The following XKR9 variants were observed in gnomAD, a reference collection of about 807,000 sequenced individuals.
XKR9 encodes XK-related protein 9.
XKR9 carries 32 observed loss-of-function variants against 32.0 expected under a neutral mutation model. The observed-to-expected ratio is 1.00, with a 90% CI of 0.76 to 1.34. XKR9 has a LOEUF of 1.34. Ranked by LOEUF, XKR9 falls within the 40% of genes most tolerant of loss-of-function variation. The probability of loss-of-function intolerance (pLI) is 0.00; values close to 1 mark genes in which losing one functional copy is unlikely to be tolerated. For synonymous variants in XKR9, 168 were observed against 143.4 expected (o/e 1.17, Z -1.22); for missense variants, 546 against 429.7 (o/e 1.27, Z -2.39).
the XKR9 span, among the ~76,000 whole-genome samples, chr8:70,798,197 C>T: frequency 2.0e-5 from 3 of 150,704 alleles, no homozygotes; most frequent in Non-Finnish European, 4.4e-5. Flanking sequence ...CTTTTTTTTT[C>T]TGCAACCTTG....
the XKR9 span, among the ~76,000 whole-genome samples, chr8:70,802,101 TA>T: frequency 1.3e-5 from 2 of 151,350 alleles, no homozygotes; most frequent in Admixed American, 1.3e-4. Context: ...CACGCCCGGC[TA>T]TTTTTTTGTA....
the XKR9 span, among the ~76,000 whole-genome samples, chr8:71,037,039 G>A: frequency 6.6e-6 from 1 of 151,982 alleles, no homozygotes. Context: ...TACACTAGTT[G>A]TGTTACTGAT....
At chr8:70,754,118 A>T (rs1352584351) in intron 2 of XKR9, among the ~76,000 whole-genome samples, 8 of 142,900 alleles carry the variant, frequency 5.6e-5, no homozygotes, top group Non-Finnish European at 1.5e-5. Context: ...TTATACACCA[A>T]TAACAGACAA....
the XKR9 span, among the ~76,000 whole-genome samples, chr8:71,009,695 C>T: frequency 6.6e-6 from 1 of 152,152 alleles, no homozygotes; most frequent in African/African-American, 2.4e-5. Flanking sequence ...TCCTTTCACT[C>T]TCATGGTGAC....
intron 4 of XKR9, among the ~76,000 whole-genome samples, chr8:70,719,264 C>T (rs373906475): frequency 3.5e-4 from 53 of 152,220 alleles, no homozygotes; most frequent in African/African-American, 1.1e-3. Context: ...TGCCTGTTCA[C>T]GCTGATGATA....
At chr8:70,913,932 T>A in the XKR9 span, among the ~76,000 whole-genome samples, 1 of 152,254 alleles carries the variant, frequency 6.6e-6, no homozygotes, top group East Asian at 1.9e-4. Flanking sequence ...AGTAGTTTAT[T>A]CATTTTTACA....
At chr8:71,039,718 C>G in the XKR9 span, among the ~76,000 whole-genome samples, 1 of 152,116 alleles carries the variant, frequency 6.6e-6, no homozygotes, top group Non-Finnish European at 1.5e-5. Flanking sequence ...TGTTTTTAAT[C>G]TGTTCCAGGT....
the XKR9 span, among the ~76,000 whole-genome samples, chr8:70,892,247 A>G: frequency 6.6e-6 from 1 of 152,082 alleles, no homozygotes; most frequent in African/African-American, 2.4e-5. Context: ...ATCCATTTAC[A>G]TTCAAGATTA....
At chr8:70,753,050 C>A (rs1320342115) in intron 2 of XKR9, among the ~76,000 whole-genome samples, 1 of 152,116 alleles carries the variant, frequency 6.6e-6, no homozygotes, top group African/African-American at 2.4e-5. Context: ...AGAGAAGAAT[C>A]AAATAGACGC....
At chr8:70,757,308 C>CT (rs1196232965) in intron 2 of XKR9, among the ~76,000 whole-genome samples, 4 of 151,702 alleles carry the variant, frequency 2.6e-5, no homozygotes, top group South Asian at 2.1e-4. Flanking sequence ...TCCTCATCAT[C>CT]TTTTTTTTCT....
downstream of XKR9, among the ~76,000 whole-genome samples, chr8:70,793,719 C>T (rs1476224911): frequency 6.6e-6 from 1 of 152,040 alleles, no homozygotes; most frequent in African/African-American, 2.4e-5. Context: ...ATATATTTAT[C>T]TTTATGTCAG....
chr8:70,993,194 C>T, the XKR9 span, among the ~76,000 whole-genome samples: 1 of 143,874 alleles, frequency 7.0e-6, no homozygotes. Context: ...CTAGATTGTC[C>T]TTCTCCTACC....
chr8:70,866,669 A>G, the XKR9 span, among the ~76,000 whole-genome samples: 1 of 151,924 alleles, frequency 6.6e-6, no homozygotes, highest in Non-Finnish European at 1.5e-5. Flanking sequence ...AATTTTTAGT[A>G]GAAACTGGGT....
chr8:70,721,683 C>A (rs1444419231), intron 4 of XKR9, among the ~76,000 whole-genome samples: 1 of 152,118 alleles, frequency 6.6e-6, no homozygotes, highest in Non-Finnish European at 1.5e-5. Flanking sequence ...GTTATGATTT[C>A]CATTCTTTTG....
At chr8:70,933,104 G>T in the XKR9 span, among the ~76,000 whole-genome samples, 1 of 152,082 alleles carries the variant, frequency 6.6e-6, no homozygotes. Context: ...CACCAGAAGA[G>T]GTAGCTTTGA....
chr8:70,798,319 A>C, the XKR9 span, among the ~76,000 whole-genome samples: 1 of 152,072 alleles, frequency 6.6e-6, no homozygotes, highest in Non-Finnish European at 1.5e-5. Flanking sequence ...GATGTTGAGC[A>C]TGTTTTCATA....
rs542630355 is a variant in XKR9, at chr8:70,771,496, A to T, written n.353-17843A>T. 2.0e-5 allele frequency among the ~76,000 whole-genome samples: 3 copies of T among 152,318 alleles called. No homozygotes were observed. In the East Asian group the frequency reaches 5.8e-4, roughly 29 times the overall value. ...ATTAATGGGGCAACAACACTGATCT[A>T]TTCACCTCACTTTCCAAGGAAGATG... On this transcript the variant is annotated intron_variant and non_coding_transcript_variant, in intron 2 of 3. Coordinates refer to the XKR9 transcript ENST00000520273.
chr8:70,970,183 A>T, the XKR9 span, among the ~76,000 whole-genome samples: 4 of 152,148 alleles, frequency 2.6e-5, no homozygotes, highest in East Asian at 5.8e-4. Context: ...TTGCAATTGC[A>T]AATTGTGCTG....
intron 2 of XKR9, among the ~76,000 whole-genome samples, chr8:70,675,931 A>G (rs1342417349): frequency 6.6e-6 from 1 of 152,180 alleles, no homozygotes; most frequent in Non-Finnish European, 1.5e-5. Flanking sequence ...TCATGTTTTC[A>G]GGTATCTTTA....
Sources: allele counts gnomAD v4.1 joint callset (sites outside exome capture counted in the v4.1 genomes callset), GRCh38; gene constraint gnomAD v4.1.1; transcripts MANE v1.5; gene names NCBI Gene and HGNC (gene_info 2026-07-23, HGNC 2026-07-21).